The following SLC46A2 variants were observed in gnomAD, a reference collection of about 807,000 sequenced individuals.
SLC46A2 encodes thymic stromal co-transporter.
In SLC46A2, 25 loss-of-function variants were observed where a neutral mutation model predicts 33.1. That is an observed-to-expected ratio of 0.76 (90% CI 0.55 to 1.06). The LOEUF (loss-of-function observed/expected upper bound fraction) is 1.06. Among genes scored for constraint, SLC46A2 ranks in the 50% least tolerant of loss-of-function variants. The pLI, the probability that SLC46A2 is intolerant of heterozygous loss-of-function variation, is 0.00. For missense variants in SLC46A2, 622 were observed against 621.7 expected (o/e 1.00, Z 0.00); for synonymous variants, 254 against 275.9 (o/e 0.92, Z 0.79).
At chr9:112,881,063 T>G (rs1458424548) in intron 3 of SLC46A2, among the ~76,000 whole-genome samples, 1 of 152,258 alleles carries the variant, frequency 6.6e-6, no homozygotes, top group Admixed American at 6.5e-5. Flanking sequence ...TGCCTCATCG[T>G]CTGCCTTTCC....
chr9:112,881,748 C>T (rs1256195710), intron 3 of SLC46A2: 1 of 152,236 alleles, frequency 6.6e-6, no homozygotes, highest in East Asian at 1.9e-4. Flanking sequence ...TCTCTGCCCT[C>T]AGGGAGCCTT....
At chr9:112,885,266 C>G (rs1381914353) in intron 3 of SLC46A2, 1 of 152,040 alleles carries the variant, frequency 6.6e-6, no homozygotes, top group Non-Finnish European at 1.5e-5. Context: ...TCCAAAAAAG[C>G]TTTATCACTG....
In SLC46A2 at chr9:112,890,783, C is replaced by T. The variant is rs1466908524; in HGVS notation, c.-102G>A. ...CTGCTCAGGTTTCAGTCCCGGAGCGCGAGTGTGCTCCGTGCGCCGGGAGCG... is the reference window on the plus strand; with the variant it reads ...CTGCTCAGGTTTCAGTCCCGGAGCGTGAGTGTGCTCCGTGCGCCGGGAGCG... On this transcript the variant is annotated 5_prime_UTR_variant, in exon 1 of 4. Transcript: ENST00000374228. This position sits in a 1 kb window ranked among gnomAD's most constrained non-coding sequence, Gnocchi z 6.0. The T allele has an allele frequency of 4.7e-6, 4 of 844,310 alleles. No homozygotes were observed. The highest frequency in any genetic ancestry group is 2.0e-5 in the South Asian group (1 of 49,650). The allele number at this position is 844,310 out of a possible 1,614,324, so 52.3% of individuals were successfully genotyped here.
At chr9:112,887,462 CA>C in intron 1 of SLC46A2, 49 bp from the exon 2 acceptor site, 1 of 1,515,044 alleles carries the variant, frequency 6.6e-7, no homozygotes, top group Non-Finnish European at 8.9e-7. Flanking sequence ...CAGCCTGGGC[CA>C]AGGAGGAAAT....
At chr9:112,888,409 G>C (rs1434855833) in intron 1 of SLC46A2, among the ~76,000 whole-genome samples, 1 of 152,202 alleles carries the variant, frequency 6.6e-6, no homozygotes, top group Non-Finnish European at 1.5e-5. Flanking sequence ...CATTTTGTTA[G>C]GTGTTTCTAA....
intron 3 of SLC46A2, among the ~76,000 whole-genome samples, chr9:112,881,916 A>G (rs1841582316): frequency 6.6e-6 from 1 of 152,154 alleles, no homozygotes; most frequent in African/African-American, 2.4e-5. Flanking sequence ...ATGGTGTTTC[A>G]GTTAAGACCA....
chr9:112,879,683 A>G lies in SLC46A2; in HGVS notation c.*79T>C. ...TCTTAAGCAGTGGGTTGCTTAGGTCACCAGTTCCCTGGTCCCTTCTTTTGT... is the reference window on the plus strand; with the variant it reads ...TCTTAAGCAGTGGGTTGCTTAGGTCGCCAGTTCCCTGGTCCCTTCTTTTGT... On this transcript the variant is annotated 3_prime_UTR_variant, in exon 4 of 4. Transcript: ENST00000374228. The G allele has an allele frequency of 7.2e-7, 1 of 1,385,466 alleles. No individual in the cohort carries two copies. The highest frequency in any genetic ancestry group is 1.0e-6 in the Non-Finnish European group (1 of 981,134). 85.8% of individuals were successfully genotyped at this position (1,385,466 alleles called of 1,614,324 possible). A position where few individuals can be genotyped will look rare whatever the true frequency, so the allele number is the denominator to read the frequency against.
In SLC46A2 at chr9:112,887,388, G is replaced by T; in HGVS notation, c.1155C>A (p.Leu385=). 2 of 1,611,684 alleles carry T rather than the reference G, an allele frequency of 1.2e-6. No homozygotes were observed. The highest frequency in any genetic ancestry group is 1.7e-4 in the Middle Eastern group (1 of 6,060). Residue 385 remains leucine, a synonymous_variant, in exon 2 of 4, where the codon CTC becomes CTA. Coordinates refer to ENST00000374228, the MANE Select transcript of SLC46A2 (RefSeq NM_033051.4). The part of the protein sequence containing the change: ...YIARAVMLFA[L]IPVTTIRSAM... Reference sequence around the variant, plus strand: ...CTGATCGGATGGTTGTGACGGGGATGAGAGCAAACAGCATGACGGCTCGAG... The same window carrying T: ...CTGATCGGATGGTTGTGACGGGGATTAGAGCAAACAGCATGACGGCTCGAG...
chr9:112,887,210 G>A (rs1199056697), intron 2 of SLC46A2, 120 bp downstream of exon 2: 4 of 838,366 alleles, frequency 4.8e-6, no homozygotes, highest in East Asian at 5.4e-5. Flanking sequence ...AGTGTTTCTA[G>A]TGTCTTCAAA....
rs1334640405 is a variant in SLC46A2, at chr9:112,886,465, T to C, written c.1365A>G (p.Pro455=). ...SSFLSFLAII[P]ISIVAYKQVP... is the part of the protein sequence containing the mutation. ...AGATGCTGCTCCCATCCTACCTAAT[T>C]GGAATGATGGCCAGGAAGGAGAGAA... is the stretch of plus-strand genomic sequence containing the variant. Residue 455 remains proline (P), a synonymous_variant, in exon 3 of 4, where the codon CCA becomes CCG. Transcript: ENST00000374228. 1.9e-6 allele frequency: 3 copies of C among 1,613,878 alleles called. No homozygotes were observed. The highest frequency in any genetic ancestry group is 2.5e-6 in the Non-Finnish European group (3 of 1,179,982).
Position 112,886,512 on chromosome 9 carries a change from A to G in SLC46A2, c.1318T>C (p.Ser440Pro). 1 of 1,614,220 alleles carries G rather than the reference A, an allele frequency of 6.2e-7. No individual in the cohort carries two copies. The highest frequency in any genetic ancestry group is 8.5e-7 in the Non-Finnish European group (1 of 1,180,036). ...YQLTMDMFVG[S>P]CFALSSFLSF... is the part of the protein sequence containing the mutation. ...AGAAAGGAGGAGAGAGCAAAGCAGG[A>G]GCCCACAAACATGTCCATGGTGAGC... The change falls in exon 3 of 4, where the codon TCC (serine) becomes CCC (proline). Residue 440 changes from serine (S) to proline (P), a missense_variant. By Grantham distance (74) the Ser-to-Pro change is moderately conservative (BLOSUM62 -1). Transcript: ENST00000374228.
chr9:112,883,700 CT>C (rs71384287), intron 3 of SLC46A2, among the ~76,000 whole-genome samples: 94,836 of 121,086 alleles, frequency 0.78, 36,584 homozygotes, highest in East Asian at 0.91. Flanking sequence ...TTTTTCTTTT[CT>C]TTTTTTTTTT....
At chr9:112,879,958 T>C in intron 3 of SLC46A2, 139 bp from the exon 4 acceptor site, 1 of 693,060 alleles carries the variant, frequency 1.4e-6, no homozygotes, top group Non-Finnish European at 2.5e-6. Context: ...GGTGTGCTGG[T>C]GCACTGTGAC....
At chr9:112,887,474 T>C in intron 1 of SLC46A2, 61 bp from the exon 2 acceptor site, 17 of 1,465,360 alleles carry the variant, frequency 1.2e-5, no homozygotes, top group Non-Finnish European at 1.6e-5. Flanking sequence ...AGGAGGAAAT[T>C]ATCAAAAGCC....
In SLC46A2 at chr9:112,890,127, G is replaced by C. The variant is rs776874539; in HGVS notation, c.555C>G (p.Phe185Leu). The C allele has an allele frequency of 2.5e-6, 4 of 1,613,450 alleles. No individual in the cohort carries two copies. The change falls in exon 1 of 4, where the codon TTC (phenylalanine) becomes TTG (leucine). Residue 185 changes from phenylalanine to leucine, a missense_variant. Phe to Leu is a conservative substitution (Grantham distance 22). Transcript: ENST00000374228. The surrounding 1 kb of genome is among the most constrained non-coding windows in gnomAD (Gnocchi z 6.0). ...GATGCCCGGAAGCCATGCTCCCGCA[G>C]AACCCCGCCAAGCCCAGCATCAGGT... ...LIDLMLGLAGFCGSMASGHLF... is the reference protein window; with the variant it reads ...LIDLMLGLAGLCGSMASGHLF...
intron 3 of SLC46A2, among the ~76,000 whole-genome samples, chr9:112,881,247 G>A (rs937728302): frequency 2.0e-5 from 3 of 152,136 alleles, no homozygotes; most frequent in Non-Finnish European, 4.4e-5. Flanking sequence ...AAGCTACAGC[G>A]CAGCACTTCT....
chr9:112,890,861 G>C lies in SLC46A2; in HGVS notation c.-180C>G, dbSNP rs1827223022. On this transcript the variant is annotated 5_prime_UTR_variant, in exon 1 of 4. Coordinates refer to ENST00000374228, the MANE Select transcript of SLC46A2 (RefSeq NM_033051.4). This position sits in a 1 kb window ranked among gnomAD's most constrained non-coding sequence, Gnocchi z 6.0. ...GCCGGCCAGTGGCGAGCAGAGCCAG[G>C]GCACGCAGCGCCTGTGACAGCAGCC... 5.4e-6 allele frequency: 4 copies of C among 740,194 alleles called. No homozygotes were observed. The highest frequency in any genetic ancestry group is 6.3e-6 in the Non-Finnish European group (3 of 477,942). 45.9% of individuals were successfully genotyped at this position (740,194 alleles called of 1,614,324 possible).
chr9:112,890,496 G>C lies in SLC46A2; in HGVS notation c.186C>G (p.Pro62=), dbSNP rs772645449. 1.2e-6 allele frequency: 2 copies of C among 1,614,204 alleles called. No individual in the cohort carries two copies. Among genetic ancestry groups the C allele is most frequent in the Non-Finnish European group, 1.7e-6 (2 of 1,180,038 alleles). ...GSSNHSASPS[P]RGALEDQQQR... is the part of the protein sequence containing the mutation. Reference sequence around the variant, plus strand: ...GCTGTTGGTCCTCTAGAGCCCCCCGGGGCGATGGGCTGGCACTGTGGTTGG... The same window carrying C: ...GCTGTTGGTCCTCTAGAGCCCCCCGCGGCGATGGGCTGGCACTGTGGTTGG... The change falls in exon 1 of 4, where the codon CCC becomes CCG. Residue 62 remains proline, a synonymous_variant. Coordinates refer to ENST00000374228, the MANE Select transcript of SLC46A2 (RefSeq NM_033051.4). This position sits in a 1 kb window ranked among gnomAD's most constrained non-coding sequence, Gnocchi z 6.0.
chr9:112,887,483 C>A, intron 1 of SLC46A2, 70 bp from the exon 2 acceptor site: 1 of 1,410,326 alleles, frequency 7.1e-7, no homozygotes. Context: ...TTATCAAAAG[C>A]CTCTCTTAGA....
Sources: allele counts gnomAD v4.1 joint callset (sites outside exome capture counted in the v4.1 genomes callset), GRCh38; gene constraint gnomAD v4.1.1; non-coding constraint Gnocchi (gnomAD v3.1); transcripts MANE v1.5; gene names NCBI Gene and HGNC (gene_info 2026-07-23, HGNC 2026-07-21).